Variants in VEPH1 observed in about 807,000 individuals in gnomAD.
VEPH1 encodes ventricular zone expressed PH domain containing 1.
A neutral mutation model predicts 85.2 loss-of-function variants in VEPH1; 80 were observed. The ratio of observed to expected loss-of-function variants is 0.94; its 90% CI spans 0.78 to 1.13. The LOEUF (loss-of-function observed/expected upper bound fraction) is 1.13, where lower values mean the gene tolerates loss of function less well. VEPH1 is among the 50% of genes most tolerant of loss of function. The pLI is 0.00. For synonymous variants in VEPH1, 297 were observed against 348.0 expected (o/e 0.85, Z 1.63); for missense variants, 955 against 980.5 (o/e 0.97, Z 0.35).
At chr3:157,402,289 A>G (rs531432628) in intron 6 of VEPH1, among the ~76,000 whole-genome samples, 1 of 152,200 alleles carries the variant, frequency 6.6e-6, no homozygotes, top group Admixed American at 6.6e-5. Context: ...AAGAAGGAGG[A>G]GTTGGTAGAC....
At chr3:157,355,220 G>C (rs748020200) in intron 9 of VEPH1, among the ~76,000 whole-genome samples, 8 of 152,164 alleles carry the variant, frequency 5.3e-5, no homozygotes, top group Admixed American at 1.3e-4. Flanking sequence ...TTGTAACTAC[G>C]TATTATGTAA....
At chr3:157,429,927 A>G (rs1733021967) in intron 4 of VEPH1, among the ~76,000 whole-genome samples, 1 of 152,192 alleles carries the variant, frequency 6.6e-6, no homozygotes, top group Non-Finnish European at 1.5e-5. Flanking sequence ...GGGAGCCTTG[A>G]AGGGAAAAAC....
At chr3:157,433,157 T>C (rs542835859) in intron 4 of VEPH1, among the ~76,000 whole-genome samples, 68 of 152,320 alleles carry the variant, frequency 4.5e-4, no homozygotes, top group African/African-American at 1.6e-3. Context: ...GATCCACTCA[T>C]GATAAATAAT....
At position 157,261,217 on chromosome 3, in the gene VEPH1, C is replaced by T. The variant is rs770825804; in HGVS notation, c.2419G>A (p.Ala807Thr). 7 of 1,613,732 alleles carry T rather than the reference C, an allele frequency of 4.3e-6. No individual in the cohort carries two copies. In the Admixed American group the frequency reaches 8.3e-5, roughly 19 times the overall value. Reference protein sequence around the residue: ...YVFKAKDEKNAEEWLQCINVA... With the variant: ...YVFKAKDEKNTEEWLQCINVA... ...TTGATGCACTGGAGCCATTCTTCTG[C>T]ATTCTTCTCATCCTTGGCCTTAAAG... Residue 807 changes from alanine to threonine, a missense_variant, in exon 14 of 14, where the codon GCA becomes ACA. By Grantham distance (58) the Ala-to-Thr change is moderately conservative. Transcript: ENST00000362010.
chr3:157,309,103 T>G (rs1719825743), intron 11 of VEPH1, among the ~76,000 whole-genome samples: 1 of 152,114 alleles, frequency 6.6e-6, no homozygotes, highest in East Asian at 1.9e-4. Flanking sequence ...TTATTATTAT[T>G]ATTATTAATG....
intron 4 of VEPH1, chr3:157,443,074 C>A: frequency 7.3e-7 from 1 of 1,373,110 alleles, no homozygotes; most frequent in Non-Finnish European, 9.9e-7. Context: ...ATAATAGGAA[C>A]ACTTGAGACT....
At chr3:157,350,588 C>T (rs947416449) in intron 9 of VEPH1, among the ~76,000 whole-genome samples, 6 of 152,168 alleles carry the variant, frequency 3.9e-5, no homozygotes, top group South Asian at 2.1e-4. Flanking sequence ...AGACAACCTA[C>T]AAAATAGGAA....
intron 4 of VEPH1, among the ~76,000 whole-genome samples, chr3:157,447,208 T>C (rs1319611169): frequency 1.3e-5 from 2 of 152,190 alleles, no homozygotes; most frequent in African/African-American, 2.4e-5. Flanking sequence ...GCAGGCCTTG[T>C]TCTACTTCAC....
At chr3:157,278,104 A>G (rs1323179415) in intron 12 of VEPH1, among the ~76,000 whole-genome samples, 1 of 152,188 alleles carries the variant, frequency 6.6e-6, no homozygotes, top group Non-Finnish European at 1.5e-5. Context: ...TATTTACTGG[A>G]GGAAGTAGAC....
intron 2 of VEPH1, among the ~76,000 whole-genome samples, chr3:157,485,957 C>A (rs138087080): frequency 1.3e-5 from 2 of 152,074 alleles, no homozygotes; most frequent in Non-Finnish European, 2.9e-5. Flanking sequence ...TAAAAAAGCC[C>A]CTAACAAGCT....
intron 7 of VEPH1, among the ~76,000 whole-genome samples, chr3:157,377,669 G>A (rs1283413972): frequency 6.6e-6 from 1 of 152,082 alleles, no homozygotes; most frequent in African/African-American, 2.4e-5. Flanking sequence ...GCTTTGCTTG[G>A]CACGTCTTCT....
At chr3:157,343,229 G>T (rs1255545924) in intron 9 of VEPH1, among the ~76,000 whole-genome samples, 1 of 152,132 alleles carries the variant, frequency 6.6e-6, no homozygotes, top group Non-Finnish European at 1.5e-5. Context: ...AAAAATCAAT[G>T]AATCCAGGAG....
intron 13 of VEPH1, among the ~76,000 whole-genome samples, chr3:157,264,351 C>T (rs1559906717): frequency 6.6e-6 from 1 of 152,152 alleles, no homozygotes; most frequent in Non-Finnish European, 1.5e-5. Flanking sequence ...CTGAATTACA[C>T]CACCAGTTTT....
In VEPH1 at chr3:157,317,086, G is replaced by T; in HGVS notation, c.1851C>A (p.Ile617=). 6.2e-7 allele frequency: 1 copy of T among 1,613,230 alleles called. No homozygotes were observed. Among genetic ancestry groups the T allele is most frequent in the Middle Eastern group, 1.7e-4 (1 of 6,058 alleles). ...ILISQEPQPW[I]QIMFLFQQSL... is the part of the protein sequence containing the mutation. ...CCTGCTGAAATAGAAACATGATCTGGATCCATGGCTGAGGTTCTTGGCTGA... is the reference window on the plus strand; with the variant it reads ...CCTGCTGAAATAGAAACATGATCTGTATCCATGGCTGAGGTTCTTGGCTGA... The change falls in exon 10 of 14, where the codon ATC becomes ATA. Residue 617 remains isoleucine (I), a synonymous_variant. Coordinates refer to ENST00000362010, the MANE Select transcript of VEPH1 (RefSeq NM_001167912.2).
chr3:157,449,450 A>G (rs1461020407), intron 4 of VEPH1, among the ~76,000 whole-genome samples: 3 of 152,208 alleles, frequency 2.0e-5, no homozygotes, highest in Non-Finnish European at 4.4e-5. Flanking sequence ...TATTGTCAAT[A>G]TTCCCCTAGC....
Position 157,353,732 on chromosome 3 carries a change from C to T in VEPH1, c.1735+9632G>A, listed in dbSNP as rs147082070. On this transcript the variant is annotated intron_variant, in intron 9 of 13. Transcript: ENST00000362010. ...TTTTTCTCTTTATCATAGCACTTAA[C>T]GCTTTGTAACATCCTACATATTTTA... is the stretch of plus-strand genomic sequence containing the variant. Among the ~76,000 whole-genome samples, 348 of 152,036 alleles carry T rather than the reference C, an allele frequency of 2.3e-3. 1 individual carries two copies. Among genetic ancestry groups the T allele is most frequent in the African/African-American group, 8.0e-3 (332 of 41,440 alleles).
chr3:157,449,464 TAC>T (rs1734793934), intron 4 of VEPH1, among the ~76,000 whole-genome samples: 5 of 152,224 alleles, frequency 3.3e-5, no homozygotes, highest in African/African-American at 1.2e-4. Flanking sequence ...CCCTAGCATA[TAC>T]ACAGTTTCCA....
At chr3:157,274,745 C>T (rs1479601232) in intron 12 of VEPH1, among the ~76,000 whole-genome samples, 1 of 152,140 alleles carries the variant, frequency 6.6e-6, no homozygotes, top group African/African-American at 2.4e-5. Flanking sequence ...AGTGATCCTC[C>T]CATTTCTGCC....
intron 3 of VEPH1, 99 bp downstream of exon 3, chr3:157,470,214 TA>T: frequency 9.1e-7 from 1 of 1,094,554 alleles, no homozygotes; most frequent in Non-Finnish European, 1.3e-6. Flanking sequence ...TTACAGTATC[TA>T]AATGCTGCAG....
Sources: allele counts gnomAD v4.1 joint callset (sites outside exome capture counted in the v4.1 genomes callset), GRCh38; gene constraint gnomAD v4.1.1; transcripts MANE v1.5; gene names NCBI Gene and HGNC (gene_info 2026-07-23, HGNC 2026-07-21).